The following DYRK2 variants were observed in gnomAD, a reference collection of about 807,000 sequenced individuals.
DYRK2 encodes dual specificity tyrosine-phosphorylation-regulated kinase 2.
In DYRK2, 12 loss-of-function variants were observed where a neutral mutation model predicts 41.6. That is an observed-to-expected ratio of 0.29 (90% CI 0.18 to 0.47). The LOEUF (loss-of-function observed/expected upper bound fraction) is 0.47. Ranked by LOEUF, DYRK2 falls within the 20% of genes least tolerant of loss-of-function variation. DYRK2 has a pLI of 1.00. For synonymous variants in DYRK2, 322 were observed against 315.7 expected, an observed-to-expected ratio of 1.02 and a Z score of -0.21; for missense variants, 678 against 798.4, an observed-to-expected ratio of 0.85 and a Z score of 1.82.
rs886429787 is a variant in DYRK2 at position 67,664,311 on chromosome 12, A to T, written c.*5598A>T. ...TTCCCATGTGTCTCAAGGAAGCTTA[A>T]TGAGGAAACTAATGAGTTAATATTA... On this transcript the variant is annotated 3_prime_UTR_variant, in exon 3 of 3. Coordinates refer to ENST00000344096, the MANE Select transcript of DYRK2 (RefSeq NM_006482.3). The T allele has an allele frequency of 7.2e-5, 11 of 152,134 alleles. No homozygotes were observed. Among genetic ancestry groups the T allele is most frequent in the African/African-American group, 2.7e-4 (11 of 41,440 alleles). The allele number at this position is 152,134 out of a possible 1,614,324, so 9.4% of individuals were successfully genotyped here.
intron 2 of DYRK2, chr12:67,651,672 T>G (rs939040598): frequency 2.2e-6 from 1 of 454,616 alleles, no homozygotes; most frequent in Non-Finnish European, 4.4e-6. Context: ...TGAATTTGGG[T>G]TTCGATGGTG....
Position 67,649,061 on chromosome 12 carries a change from C to T in DYRK2, c.-73C>T, listed in dbSNP as rs937379148. The T allele has an allele frequency of 8.3e-6, 11 of 1,321,490 alleles. No homozygotes were observed. Among genetic ancestry groups the T allele is most frequent in the African/African-American group, 6.3e-5 (4 of 63,840 alleles). The allele number at this position is 1,321,490 out of a possible 1,614,324, so 81.9% of individuals were successfully genotyped here. On this transcript the variant is annotated 5_prime_UTR_variant, in exon 1 of 3. Transcript: ENST00000344096. ...AGGGGCGGCCGGGAGGCGGCGGCGGCGGCCGCCAGAAGTAGCAGCAGGACC... is the reference window on the plus strand; with the variant it reads ...AGGGGCGGCCGGGAGGCGGCGGCGGTGGCCGCCAGAAGTAGCAGCAGGACC...
In DYRK2 at chr12:67,649,376, G is replaced by A. The variant is rs571904628; in HGVS notation, c.49+194G>A. Among the ~76,000 whole-genome samples the A allele has an allele frequency of 1.2e-3, 180 of 151,658 alleles. No individual in the cohort carries two copies. The East Asian group carries it at 0.023, about 19-fold the overall frequency. On this transcript the variant is annotated intron_variant, in intron 1 of 2. Transcript: ENST00000344096. ...GGCCCCGAAGGCCCCTCCGCGGGGA[G>A]CCCTCGGCCCGAAGAGGCTTCTGCC...
chr12:67,654,658 G>A (rs937021959), intron 2 of DYRK2, among the ~76,000 whole-genome samples: 2 of 152,176 alleles, frequency 1.3e-5, no homozygotes, highest in African/African-American at 4.8e-5. Context: ...GGATTCATTC[G>A]CAGGTGGATA....
At chr12:67,653,933 G>A (rs946168504) in intron 2 of DYRK2, among the ~76,000 whole-genome samples, 3 of 152,180 alleles carry the variant, frequency 2.0e-5, no homozygotes, top group Non-Finnish European at 4.4e-5. Context: ...TATGAGAAAG[G>A]AGATTACAAG....
chr12:67,654,350 C>T (rs540188866), intron 2 of DYRK2, among the ~76,000 whole-genome samples: 5 of 152,286 alleles, frequency 3.3e-5, no homozygotes, highest in Admixed American at 2.0e-4. Flanking sequence ...CTGGTAAGTT[C>T]TTGCATTAGC....
rs1592710086 is a variant in DYRK2, at chr12:67,648,999, G to C, written c.-135G>C. 1 of 653,376 alleles carries C rather than the reference G, an allele frequency of 1.5e-6. No individual in the cohort carries two copies. The highest frequency in any genetic ancestry group is 4.7e-5 in the Admixed American group (1 of 21,420). The allele number at this position is 653,376 out of a possible 1,614,324, so 40.5% of individuals were successfully genotyped here. Reference sequence around the variant, plus strand: ...GGACTGTGTGTGTCTGGCTGTAGCAGACGCGAGGCGGCGACGAGGCGCCGG... The same window carrying C: ...GGACTGTGTGTGTCTGGCTGTAGCACACGCGAGGCGGCGACGAGGCGCCGG... On this transcript the variant is annotated 5_prime_UTR_variant, in exon 1 of 3. Transcript: ENST00000344096.
intron 2 of DYRK2, among the ~76,000 whole-genome samples, chr12:67,654,147 A>T (rs1460189614): frequency 6.6e-6 from 1 of 152,216 alleles, no homozygotes; most frequent in Non-Finnish European, 1.5e-5. Context: ...GGATCATTTA[A>T]TGTGTGTCTA....
In DYRK2 at chr12:67,658,289, A is replaced by G. The variant is rs1327918255; in HGVS notation, c.1382A>G (p.Tyr461Cys). The G allele has an allele frequency of 1.2e-6, 2 of 1,614,218 alleles. No individual in the cohort carries two copies. Among genetic ancestry groups the G allele is most frequent in the Admixed American group, 1.7e-5 (1 of 60,032 alleles). ...AAAAATTTTGTGAGCTCCAAGGGTT[A>G]TCCCCGTTACTGCACTGTCACGACT... The part of the protein sequence containing the change: ...RAKNFVSSKG[Y>C]PRYCTVTTLS... Residue 461 changes from tyrosine to cysteine, a missense_variant, in exon 3 of 3, where the codon TAT becomes TGT. By Grantham distance (194) the Tyr-to-Cys change is radical (BLOSUM62 -2). Transcript: ENST00000344096. This position sits in a 1 kb window ranked among gnomAD's most constrained non-coding sequence, Gnocchi z 4.3.
In DYRK2 at chr12:67,660,981, C is replaced by T. The variant is rs1872607109; in HGVS notation, c.*2268C>T. On this transcript the variant is annotated 3_prime_UTR_variant, in exon 3 of 3. Transcript: ENST00000344096. ...ATGGACTAATACTGCTTGTCTTTCC[C>T]CCACCGCACAAAACTGGTTCTTAAG... 6.0e-6 allele frequency: 1 copy of T among 166,980 alleles called. No homozygotes were observed. The highest frequency in any genetic ancestry group is 2.4e-5 in the African/African-American group (1 of 41,434). The allele number at this position is 166,980 out of a possible 1,614,324, so 10.3% of individuals were successfully genotyped here.
In DYRK2 at chr12:67,657,698, C is replaced by T. The variant is rs545402235; in HGVS notation, c.791C>T (p.Ala264Val). 39 of 1,613,970 alleles carry T rather than the reference C, an allele frequency of 2.4e-5. No homozygotes were observed. In the East Asian group the frequency reaches 7.4e-4, roughly 30 times the overall value. The change falls in exon 3 of 3, where the codon GCG (alanine) becomes GTG (valine). Residue 264 changes from alanine to valine, a missense_variant. Physicochemically the swap from Ala to Val is moderately conservative, Grantham distance 64. Transcript: ENST00000344096. The surrounding 1 kb of genome is among the most constrained non-coding windows in gnomAD (Gnocchi z 4.8). ...GAGAAGCGCTTCCACCGGCAAGCAGCGGAGGAGATCCGAATCCTGGAACAC... is the reference window on the plus strand; with the variant it reads ...GAGAAGCGCTTCCACCGGCAAGCAGTGGAGGAGATCCGAATCCTGGAACAC... ...RNEKRFHRQA[A>V]EEIRILEHLR...
Position 67,665,107 on chromosome 12 carries a change from A to G in DYRK2, c.*6394A>G, listed in dbSNP as rs1014051086. 7.9e-5 allele frequency: 12 copies of G among 152,270 alleles called. No individual in the cohort carries two copies. The East Asian group carries it at 2.3e-3, about 29-fold the overall frequency. The allele number at this position is 152,270 out of a possible 1,614,324, so 9.4% of individuals were successfully genotyped here. On this transcript the variant is annotated 3_prime_UTR_variant, in exon 3 of 3. Transcript: ENST00000344096. ...GCCAGGGAAATATATAAAAATAAAA[A>G]TTTCAAATACAATTTTAAAATACCA...
Position 67,662,787 on chromosome 12 carries a change from TTAAAATAATTCATTCTACTA to T in DYRK2, c.*4075_*4094del, listed in dbSNP as rs1872658777. ...AGCTCTATATCAGGGTCTTGAGAAG[TTAAAATAATTCATTCTACTA>T]GTTTGTTCATAGCAATACTTTATTA... On this transcript the variant is annotated 3_prime_UTR_variant, in exon 3 of 3. Coordinates refer to ENST00000344096, the MANE Select transcript of DYRK2 (RefSeq NM_006482.3). 1 of 154,002 alleles carries T rather than the reference TTAAAATAATTCATTCTACTA, an allele frequency of 6.5e-6. No homozygotes were observed. Among genetic ancestry groups the T allele is most frequent in the Non-Finnish European group, 1.5e-5 (1 of 68,020 alleles). The allele number at this position is 154,002 out of a possible 1,614,324, so 9.5% of individuals were successfully genotyped here.
At chr12:67,649,556 G>T (rs1320159662) in intron 1 of DYRK2, 2 of 426,150 alleles carry the variant, frequency 4.7e-6, no homozygotes, top group Non-Finnish European at 3.9e-6. Flanking sequence ...GCGCGGCCCG[G>T]CTCCCCCGCC....
rs368304778 is a variant in DYRK2 at position 67,658,167 on chromosome 12, C to G, written c.1260C>G (p.Pro420=). ...CILAELLTGY[P]LLPGEDEGDQ... ...TAGCAGAGCTCCTGACGGGTTACCC[C>G]CTCTTGCCTGGGGAAGATGAAGGGG... is the stretch of plus-strand genomic sequence containing the variant. The change falls in exon 3 of 3, where the codon CCC becomes CCG. Residue 420 remains proline, a synonymous_variant. Coordinates refer to ENST00000344096, the MANE Select transcript of DYRK2 (RefSeq NM_006482.3). This position sits in a 1 kb window ranked among gnomAD's most constrained non-coding sequence, Gnocchi z 4.3. The G allele has an allele frequency of 5.0e-6, 8 of 1,614,070 alleles. No homozygotes were observed. Among genetic ancestry groups the G allele is most frequent in the Admixed American group, 3.3e-5 (2 of 60,014 alleles).
chr12:67,655,239 A>G (rs1872432141), intron 2 of DYRK2, among the ~76,000 whole-genome samples: 2 of 152,216 alleles, frequency 1.3e-5, no homozygotes, highest in Admixed American at 6.5e-5. Context: ...TATGCTTTTT[A>G]TAGCATGTAT....
chr12:67,658,403 C>T lies in DYRK2; in HGVS notation c.1496C>T (p.Ala499Val), dbSNP rs138614034. 5.8e-4 allele frequency: 925 copies of T among 1,598,066 alleles called. No homozygotes were observed. The highest frequency in any genetic ancestry group is 7.6e-4 in the Non-Finnish European group (887 of 1,172,920). Reference sequence around the variant, plus strand: ...CCGGAGAGCAGAGAGTGGGGGAACGCGCTGAAGGGGTGTGATGATCCCCTT... The same window carrying T: ...CCGGAGAGCAGAGAGTGGGGGAACGTGCTGAAGGGGTGTGATGATCCCCTT... ...GPPESREWGNALKGCDDPLFL... is the reference protein window; with the variant it reads ...GPPESREWGNVLKGCDDPLFL... The change falls in exon 3 of 3, where the codon GCG (alanine) becomes GTG (valine). Residue 499 changes from alanine to valine, a missense_variant. Physicochemically the swap from Ala to Val is moderately conservative, Grantham distance 64 (BLOSUM62 0). Around this residue, in one of 2 missense-constraint regions of DYRK2, gnomAD observed 393 missense variants for 519.1 expected, o/e 0.76. Transcript: ENST00000344096. This position sits in a 1 kb window ranked among gnomAD's most constrained non-coding sequence, Gnocchi z 4.3.
rs1222376104 is a variant in DYRK2 at position 67,664,532 on chromosome 12, T to A, written c.*5819T>A. ...CCCTATGAGCTATAATTATCCTCATTTGATACTTGAGGAAACTGAAGTGAC... is the reference window on the plus strand; with the variant it reads ...CCCTATGAGCTATAATTATCCTCATATGATACTTGAGGAAACTGAAGTGAC... On this transcript the variant is annotated 3_prime_UTR_variant, in exon 3 of 3. Transcript: ENST00000344096. 1 of 147,072 alleles carries A rather than the reference T, an allele frequency of 6.8e-6. No homozygotes were observed. The highest frequency in any genetic ancestry group is 1.5e-5 in the Non-Finnish European group (1 of 66,962). 9.1% of individuals were successfully genotyped at this position (147,072 alleles called of 1,614,324 possible).
At chr12:67,649,609 C>A in intron 1 of DYRK2, 188 bp from the exon 2 acceptor site, 2 of 667,756 alleles carry the variant, frequency 3.0e-6, no homozygotes, top group East Asian at 3.5e-5. Flanking sequence ...AACTTTGCAG[C>A]TGCCCGCGCC....
Sources: gnomAD v4.1 joint callset for allele counts (sites outside exome capture counted in the v4.1 genomes callset) on GRCh38, gnomAD v4.1.1 for gene constraint, gnomAD v4.1.1 regional missense constraint, Gnocchi (gnomAD v3.1) non-coding constraint, MANE v1.5 for transcripts, NCBI Gene and HGNC (gene_info 2026-07-23, HGNC 2026-07-21) for gene names.